Variants in GABPA observed in about 807,000 individuals in gnomAD.
The protein encoded by GABPA is GA binding protein transcription factor subunit alpha.
GABPA carries 4 observed loss-of-function variants against 59.4 expected under a neutral mutation model. That is an observed-to-expected ratio of 0.07 (90% CI 0.03 to 0.15). The LOEUF (loss-of-function observed/expected upper bound fraction) is 0.15. GABPA is among the 10% of genes least tolerant of loss of function. GABPA has a pLI of 1.00. For synonymous variants in GABPA, 164 were observed against 183.1 expected (o/e 0.90, Z 0.84); for missense variants, 251 against 543.8 (o/e 0.46, Z 5.36).
In GABPA at chr21:25,769,633, G is replaced by A. The variant is rs1354838494; in HGVS notation, c.*401G>A. On this transcript the variant is annotated 3_prime_UTR_variant, in exon 10 of 10. Transcript: ENST00000400075. ...GAAAATATAACTGTTTCCCCTCTCT[G>A]CTGCTTTAGATGTTGCTTTACATAG... 6.3e-6 allele frequency: 1 copy of A among 158,826 alleles called. No homozygotes were observed. The highest frequency in any genetic ancestry group is 2.4e-5 in the African/African-American group (1 of 41,508). The allele number at this position is 158,826 out of a possible 1,614,324, so 9.8% of individuals were successfully genotyped here.
At chr21:25,749,425 A>G (rs927243729) in intron 4 of GABPA, among the ~76,000 whole-genome samples, 1 of 152,178 alleles carries the variant, frequency 6.6e-6, no homozygotes, top group Non-Finnish European at 1.5e-5. Flanking sequence ...GCAGAACTGG[A>G]CTGCTAAGGA....
intron 5 of GABPA, 130 bp from the exon 6 acceptor site, chr21:25,757,880 A>G (rs1467071660): frequency 3.6e-6 from 1 of 278,202 alleles, no homozygotes; most frequent in East Asian, 5.5e-5. Flanking sequence ...TTTGCTTCAT[A>G]TAGTAAGTTT....
At chr21:25,768,685 T>G (rs539453331) in intron 9 of GABPA, among the ~76,000 whole-genome samples, 8 of 152,244 alleles carry the variant, frequency 5.3e-5, no homozygotes, top group African/African-American at 1.7e-4. Flanking sequence ...CTCTTGTTCT[T>G]AGGCTCTTCT....
chr21:25,764,734 A>T lies in GABPA; in HGVS notation c.1083A>T (p.Gly361=). The T allele has an allele frequency of 6.2e-7, 1 of 1,610,646 alleles. No homozygotes were observed. ...CTGAACTGGTTGCACAGAAATGGGG[A>T]CAGCGTAAAAATAAGCCTACGATGA... ...NQPELVAQKW[G]QRKNKPTMNY... The change falls in exon 9 of 10, where the codon GGA becomes GGT. Residue 361 remains glycine, a synonymous_variant. Transcript: ENST00000400075.
In GABPA at chr21:25,765,329, C is replaced by T. The variant is rs545329327; in HGVS notation, c.1136+542C>T. Among the ~76,000 whole-genome samples, 10 of 152,074 alleles carry T rather than the reference C, an allele frequency of 6.6e-5. No homozygotes were observed. The East Asian group carries it at 7.7e-4, about 12-fold the overall frequency. ...AGAAGAAGGATATATAAGAATATCA[C>T]GGAATTATGTCTGATTTTTTGGGAG... is the stretch of plus-strand genomic sequence containing the variant. On this transcript the variant is annotated intron_variant, in intron 9 of 9. Transcript: ENST00000400075.
intron 1 of GABPA, among the ~76,000 whole-genome samples, chr21:25,738,438 T>C (rs548198188): frequency 6.6e-6 from 1 of 152,354 alleles, no homozygotes; most frequent in Non-Finnish European, 1.5e-5. Context: ...ATCGTCACTT[T>C]TGGGTATTGG....
intron 9 of GABPA, among the ~76,000 whole-genome samples, 156 bp downstream of exon 9, chr21:25,764,943 TTAA>T (rs755970898): frequency 3.3e-5 from 5 of 149,854 alleles, no homozygotes; most frequent in East Asian, 2.0e-4. Flanking sequence ...TAAAAAGATC[TTAA>T]TAATTTCGAG....
rs1042615882 is a variant in GABPA, at chr21:25,772,307, T to C, written c.*3075T>C. 2 of 152,134 alleles carry C rather than the reference T, an allele frequency of 1.3e-5. No homozygotes were observed. The highest frequency in any genetic ancestry group is 1.5e-5 in the Non-Finnish European group (1 of 67,942). The allele number at this position is 152,134 out of a possible 1,614,324, so 9.4% of individuals were successfully genotyped here. On this transcript the variant is annotated 3_prime_UTR_variant, in exon 10 of 10. Transcript: ENST00000400075. ...CTCTTTAAATAACGACAACGACACTTATACTGTCATAATAACAATTATGTA... is the reference window on the plus strand; with the variant it reads ...CTCTTTAAATAACGACAACGACACTCATACTGTCATAATAACAATTATGTA...
At chr21:25,739,576 C>T (rs886711592) in intron 1 of GABPA, among the ~76,000 whole-genome samples, 1 of 152,100 alleles carries the variant, frequency 6.6e-6, no homozygotes, top group Non-Finnish European at 1.5e-5. Context: ...CACTCTGGCT[C>T]TCTCTTCCAA....
At chr21:25,751,347 C>T (rs2035507971) in intron 4 of GABPA, among the ~76,000 whole-genome samples, 1 of 150,328 alleles carries the variant, frequency 6.7e-6, no homozygotes, top group Non-Finnish European at 1.5e-5. Context: ...AGTTGAGGAG[C>T]CTTTGTATTA....
chr21:25,755,219 TGAGA>T, intron 5 of GABPA, among the ~76,000 whole-genome samples: 1 of 150,940 alleles, frequency 6.6e-6, no homozygotes, highest in East Asian at 2.0e-4. Flanking sequence ...GAGGCTGAGG[TGAGA>T]GGGTTTCTTG....
chr21:25,736,540 A>G (rs140207762), intron 1 of GABPA, among the ~76,000 whole-genome samples: 174 of 152,316 alleles, frequency 1.1e-3, no homozygotes, highest in African/African-American at 3.9e-3. Context: ...CTTCAAGTCA[A>G]TTTTACCTGA....
chr21:25,760,278 T>TA (rs2035733621), intron 6 of GABPA, among the ~76,000 whole-genome samples: 1 of 150,920 alleles, frequency 6.6e-6, no homozygotes, highest in Admixed American at 6.6e-5. Flanking sequence ...TCACAAGTCT[T>TA]ACTTCTCAGA....
intron 5 of GABPA, among the ~76,000 whole-genome samples, chr21:25,753,118 A>G (rs2035554384): frequency 6.6e-6 from 1 of 152,204 alleles, no homozygotes; most frequent in South Asian, 2.1e-4. Context: ...ACCAGGCACC[A>G]TGTTAAATGC....
In GABPA at chr21:25,764,212, G is replaced by C. The variant is rs575740253; in HGVS notation, c.805G>C (p.Val269Leu). The change falls in exon 8 of 10, where the codon GTG becomes CTG. Residue 269 changes from valine to leucine, a missense_variant and splice_region_variant. Around this residue, in one of 4 missense-constraint regions of GABPA, gnomAD observed 207 missense variants for 366.7 expected, o/e 0.56. Coordinates refer to ENST00000400075, the MANE Select transcript of GABPA (RefSeq NM_002040.4). ...MNEIVTIDQP[V>L]QIIPASVQSA... ...TTTCTCCTTGTCTGTCTTTGCAGCT[G>C]TGCAAATTATTCCAGCATCAGTGCA... 6.3e-7 allele frequency: 1 copy of C among 1,589,074 alleles called. No homozygotes were observed. The highest frequency in any genetic ancestry group is 8.5e-7 in the Non-Finnish European group (1 of 1,172,058).
chr21:25,739,908 G>A (rs540647444), intron 1 of GABPA, among the ~76,000 whole-genome samples: 3 of 152,278 alleles, frequency 2.0e-5, no homozygotes, highest in East Asian at 1.9e-4. Flanking sequence ...ATGAGGCACC[G>A]TATCTGGCCC....
intron 3 of GABPA, among the ~76,000 whole-genome samples, chr21:25,746,840 A>G (rs527420769): frequency 6.6e-6 from 1 of 152,340 alleles, no homozygotes; most frequent in African/African-American, 2.4e-5. Context: ...TGGGTAGGTA[A>G]AGATATATGC....
intron 2 of GABPA, among the ~76,000 whole-genome samples, chr21:25,742,264 T>G (rs1002845225): frequency 6.6e-6 from 1 of 152,192 alleles, no homozygotes; most frequent in African/African-American, 2.4e-5. Flanking sequence ...AAATAGACTT[T>G]GGGAGTCAAC....
rs2035967885 is a variant in GABPA at position 25,769,443 on chromosome 21, A to G, written c.*211A>G. 6.1e-6 allele frequency: 3 copies of G among 494,434 alleles called. No individual in the cohort carries two copies. Among genetic ancestry groups the G allele is most frequent in the Admixed American group, 3.4e-5 (1 of 29,834 alleles). 30.6% of individuals were successfully genotyped at this position (494,434 alleles called of 1,614,324 possible). On this transcript the variant is annotated 3_prime_UTR_variant, in exon 10 of 10. Coordinates refer to ENST00000400075, the MANE Select transcript of GABPA (RefSeq NM_002040.4). ...AATATGTGTATGTTAAAGGATCTCC[A>G]CAATGTCTGCAGTGTGAAGGCAGGT...
Sources: allele counts gnomAD v4.1 joint callset (sites outside exome capture counted in the v4.1 genomes callset), GRCh38; gene constraint gnomAD v4.1.1; regional missense constraint gnomAD v4.1.1; transcripts MANE v1.5; gene names NCBI Gene and HGNC (gene_info 2026-07-23, HGNC 2026-07-21).